CNIH3: variants seen among roughly 807,000 people sequenced by gnomAD.
The protein encoded by CNIH3 is protein cornichon homolog 3.
Under a neutral mutation model 24.1 loss-of-function variants are expected in CNIH3, and 14 were observed. The observed-to-expected ratio is 0.58, with a 90% CI of 0.38 to 0.91. The LOEUF is 0.91. CNIH3 is among the 40% of genes least tolerant of loss of function. CNIH3 has a pLI of 0.00. For missense variants in CNIH3, 178 were observed against 196.8 expected (o/e 0.90, Z 0.57); for synonymous variants, 68 against 73.8 (o/e 0.92, Z 0.40).
intron 1 of CNIH3, chr1:224,454,260 T>TC (rs1675552600): frequency 2.1e-6 from 2 of 965,752 alleles, no homozygotes; most frequent in Non-Finnish European, 2.5e-6. Flanking sequence ...CTAGTAAGTT[T>TC]TTTTTTTTTT....
chr1:224,683,820 G>A (rs967329272), intron 2 of CNIH3, among the ~76,000 whole-genome samples: 1 of 152,214 alleles, frequency 6.6e-6, no homozygotes, highest in African/African-American at 2.4e-5. Flanking sequence ...CCTTTCGTGC[G>A]TGTGTGCACA....
chr1:224,734,706 G>A lies in CNIH3; in HGVS notation c.455G>A (p.Cys152Tyr). 1 of 1,614,048 alleles carries A rather than the reference G, an allele frequency of 6.2e-7. No homozygotes were observed. The highest frequency in any genetic ancestry group is 8.5e-7 in the Non-Finnish European group (1 of 1,179,964). ...YLLSFFYYLY[C>Y]MIYTLVSS ...CTCTCCTTCTTCTACTACCTTTACT[G>A]GTGAGTATCTGCCCCTCCTGGTGGT... is the stretch of plus-strand genomic sequence containing the variant. Residue 152 changes from cysteine to tyrosine, a missense_variant and splice_region_variant, in exon 5 of 6, where the codon TGC becomes TAC. Coordinates refer to ENST00000272133, the MANE Select transcript of CNIH3 (RefSeq NM_152495.2).
At chr1:224,641,785 G>C (rs1427852208) in intron 1 of CNIH3, among the ~76,000 whole-genome samples, 2 of 152,126 alleles carry the variant, frequency 1.3e-5, no homozygotes, top group Non-Finnish European at 2.9e-5. Flanking sequence ...TGATTCCTTA[G>C]CATCTGTGTC....
At chr1:224,617,794 TG>T (rs1215207552) in intron 1 of CNIH3, among the ~76,000 whole-genome samples, 2 of 149,806 alleles carry the variant, frequency 1.3e-5, no homozygotes, top group Non-Finnish European at 3.0e-5. Flanking sequence ...TGGAAGGCGG[TG>T]GGGGAAAGGC....
At chr1:224,526,149 A>AT (rs1157165845) in intron 2 of CNIH3, among the ~76,000 whole-genome samples, 4 of 152,170 alleles carry the variant, frequency 2.6e-5, no homozygotes, top group African/African-American at 9.7e-5. Flanking sequence ...AAATGTATGA[A>AT]TTTTATCCTC....
upstream of CNIH3, chr1:224,611,470 A>C (rs986100209): frequency 6.6e-6 from 1 of 152,222 alleles, no homozygotes; most frequent in African/African-American, 2.4e-5. Flanking sequence ...AAGGCCTGGT[A>C]GAGTGGCTTG....
rs998147259 is a variant in CNIH3, at chr1:224,699,671, C to T, written c.198+14828C>T. ...ATCTGACAGCAATAATTTAAGCATACCTTTAGAATGGCCCTATATGGCAGA... is the reference window on the plus strand; with the variant it reads ...ATCTGACAGCAATAATTTAAGCATATCTTTAGAATGGCCCTATATGGCAGA... On this transcript the variant is annotated intron_variant, in intron 3 of 5. Coordinates refer to ENST00000272133, the MANE Select transcript of CNIH3 (RefSeq NM_152495.2). Among the ~76,000 whole-genome samples, 45 of 152,300 alleles carry T rather than the reference C, an allele frequency of 3.0e-4. 1 individual carries two copies. The highest frequency in any genetic ancestry group is 6.2e-4 in the South Asian group (3 of 4,824).
At chr1:224,705,403 C>T (rs1003810826) in intron 3 of CNIH3, among the ~76,000 whole-genome samples, 2 of 152,234 alleles carry the variant, frequency 1.3e-5, no homozygotes, top group African/African-American at 2.4e-5. Flanking sequence ...TGGGAAGAGC[C>T]GCATGTGCCT....
chr1:224,656,551 G>C (rs1466906805), intron 1 of CNIH3, among the ~76,000 whole-genome samples: 4 of 152,128 alleles, frequency 2.6e-5, no homozygotes, highest in South Asian at 2.1e-4. Flanking sequence ...CGGGCGGCGG[G>C]GGGGCGGTGT....
intron 3 of CNIH3, among the ~76,000 whole-genome samples, chr1:224,700,449 A>G (rs1687425007): frequency 6.6e-6 from 1 of 152,166 alleles, no homozygotes; most frequent in Non-Finnish European, 1.5e-5. Flanking sequence ...ACAACATCCC[A>G]TTGGCTAGGA....
chr1:224,686,979 C>T (rs1439569290), intron 3 of CNIH3, among the ~76,000 whole-genome samples: 3 of 152,258 alleles, frequency 2.0e-5, no homozygotes, highest in South Asian at 2.1e-4. Flanking sequence ...TGTACATGCT[C>T]CTTTTTCCCA....
At chr1:224,712,608 G>T (rs1688217051) in intron 3 of CNIH3, among the ~76,000 whole-genome samples, 1 of 152,158 alleles carries the variant, frequency 6.6e-6, no homozygotes, top group Non-Finnish European at 1.5e-5. Context: ...TTGTAATGTA[G>T]CCAGGAGTTG....
intron 4 of CNIH3, among the ~76,000 whole-genome samples, chr1:224,576,504 A>G (rs1364965763): frequency 6.6e-6 from 1 of 152,196 alleles, no homozygotes; most frequent in African/African-American, 2.4e-5. Flanking sequence ...TTTTGGTAGT[A>G]GGAATAATCT....
At chr1:224,710,218 G>C (rs1323994979) in intron 3 of CNIH3, among the ~76,000 whole-genome samples, 1 of 152,200 alleles carries the variant, frequency 6.6e-6, no homozygotes, top group Non-Finnish European at 1.5e-5. Flanking sequence ...TTGAGACACT[G>C]TCTTCCATGT....
At chr1:224,524,097 C>T (rs935300850) in intron 2 of CNIH3, among the ~76,000 whole-genome samples, 6 of 152,200 alleles carry the variant, frequency 3.9e-5, no homozygotes, top group Admixed American at 2.6e-4. Flanking sequence ...TAAAAAGGGC[C>T]TCTGGTCAGC....
chr1:224,471,804 C>G (rs1365499165), intron 1 of CNIH3, among the ~76,000 whole-genome samples: 2 of 152,094 alleles, frequency 1.3e-5, no homozygotes, highest in African/African-American at 4.8e-5. Flanking sequence ...CTTGGCCAGG[C>G]TGGTCTTGAA....
At chr1:224,568,752 T>A (rs1192239443) in intron 4 of CNIH3, among the ~76,000 whole-genome samples, 1 of 152,132 alleles carries the variant, frequency 6.6e-6, no homozygotes, top group African/African-American at 2.4e-5. Flanking sequence ...AGACCCTGTC[T>A]CTAAAATATA....
intron 2 of CNIH3, among the ~76,000 whole-genome samples, chr1:224,546,418 A>G (rs1375577401): frequency 6.6e-6 from 1 of 152,178 alleles, no homozygotes; most frequent in African/African-American, 2.4e-5. Context: ...GCCATCAGTT[A>G]GCATGAATTA....
chr1:224,723,242 C>T (rs754546512), intron 3 of CNIH3, among the ~76,000 whole-genome samples: 2 of 152,188 alleles, frequency 1.3e-5, no homozygotes, highest in Non-Finnish European at 2.9e-5. Flanking sequence ...ATGTGTCAGG[C>T]ACAGCTAAGT....
Sources: gnomAD v4.1 joint callset for allele counts (sites outside exome capture counted in the v4.1 genomes callset) on GRCh38, gnomAD v4.1.1 for gene constraint, MANE v1.5 for transcripts, NCBI Gene and HGNC (gene_info 2026-07-23, HGNC 2026-07-21) for gene names.